The following ERMARD variants were observed in gnomAD, a reference collection of about 807,000 sequenced individuals.
ERMARD encodes ER membrane associated RNA degradation.
A neutral mutation model predicts 83.9 loss-of-function variants in ERMARD; 71 were observed. The observed-to-expected ratio is 0.85, with a 90% CI of 0.70 to 1.03. ERMARD has a LOEUF of 1.03. Among genes scored for constraint, ERMARD ranks in the 50% least tolerant of loss-of-function variants. The pLI, the probability that ERMARD is intolerant of heterozygous loss-of-function variation, is 0.00. For missense variants in ERMARD, 838 were observed against 810.9 expected (o/e 1.03, Z -0.41); for synonymous variants, 284 against 298.6 (o/e 0.95, Z 0.50).
chr6:169,779,444 G>T, intron 17 of ERMARD, 149 bp downstream of exon 17: 1 of 675,434 alleles, frequency 1.5e-6, no homozygotes. Flanking sequence ...CATCTGGCCT[G>T]CAAGAACTCC....
rs1790487867 is a variant in ERMARD, at chr6:169,754,045, T to C, written c.175+13T>C. On this transcript the variant is annotated intron_variant, in intron 2 of 17. Transcript: ENST00000366773. ...TACACAGAGTCAGGTTTGTGCTGTC[T>C]TTGTACTCCAAACTTTCATAACTGT... The C allele has an allele frequency of 4.4e-6, 7 of 1,594,806 alleles. No individual in the cohort carries two copies. The highest frequency in any genetic ancestry group is 5.1e-6 in the Non-Finnish European group (6 of 1,168,092).
intron 9 of ERMARD, among the ~76,000 whole-genome samples, chr6:169,765,246 G>A (rs1393847735): frequency 1.3e-5 from 2 of 152,242 alleles, no homozygotes; most frequent in South Asian, 2.1e-4. Flanking sequence ...TTCCACAGAG[G>A]ATATAATCTA....
At chr6:169,775,910 A>C in intron 14 of ERMARD, 30 bp from the exon 15 acceptor site, 1 of 1,612,374 alleles carries the variant, frequency 6.2e-7, no homozygotes. Flanking sequence ...TTTAATTGTC[A>C]CGTATCTTTA....
chr6:169,762,627 C>A, intron 9 of ERMARD, 96 bp downstream of exon 9: 1 of 1,007,672 alleles, frequency 9.9e-7, no homozygotes, highest in Non-Finnish European at 1.5e-6. Flanking sequence ...TTCTGTTTCA[C>A]ATTAAAATGA....
chr6:169,764,279 T>C (rs1416616830), intron 9 of ERMARD, among the ~76,000 whole-genome samples: 1 of 151,764 alleles, frequency 6.6e-6, no homozygotes, highest in Non-Finnish European at 1.5e-5. Context: ...TGGTTTTTTT[T>C]TTTGAGGCAG....
chr6:169,776,338 A>G, intron 15 of ERMARD, 117 bp from the exon 16 acceptor site: 1 of 1,552,912 alleles, frequency 6.4e-7, no homozygotes, highest in Non-Finnish European at 8.7e-7. Flanking sequence ...CTGCAGACCA[A>G]CCAGCGATAC....
In ERMARD at chr6:169,781,321, T is replaced by C. The variant is rs1226235597; in HGVS notation, c.1854-9T>C. The C allele has an allele frequency of 1.9e-6, 3 of 1,580,562 alleles. No homozygotes were observed. The highest frequency in any genetic ancestry group is 2.0e-5 in the Admixed American group (1 of 49,940). On this transcript the variant is annotated splice_polypyrimidine_tract_variant and intron_variant, in intron 17 of 17. Coordinates refer to ENST00000366773, the MANE Select transcript of ERMARD (RefSeq NM_018341.3). ...GGAATGGATAAAGAAATTAATTTTT[T>C]TTTTACAGGTTTGTAAAGTCGATCT...
At position 169,760,705 on chromosome 6, in the gene ERMARD, A is replaced by T; in HGVS notation, c.806A>T (p.Lys269Ile). The T allele has an allele frequency of 6.2e-7, 1 of 1,614,070 alleles. No homozygotes were observed. Among genetic ancestry groups the T allele is most frequent in the Non-Finnish European group, 8.5e-7 (1 of 1,179,936 alleles). ...EVMMKSAFIL[K>I]IMLPYWEVAL... is the part of the protein sequence containing the mutation. ...ATGATGAAATCTGCTTTTATATTAA[A>T]AATCATGTTACCATATTGGGAAGTT... The change falls in exon 8 of 18, where the codon AAA (lysine) becomes ATA (isoleucine). Residue 269 changes from lysine to isoleucine, a missense_variant. By Grantham distance (102) the Lys-to-Ile change is moderately radical (BLOSUM62 -3). Coordinates refer to ENST00000366773, the MANE Select transcript of ERMARD (RefSeq NM_018341.3).
intron 16 of ERMARD, 102 bp from the exon 17 acceptor site, chr6:169,779,080 T>C: frequency 9.8e-7 from 1 of 1,017,432 alleles, no homozygotes; most frequent in South Asian, 1.4e-5. Flanking sequence ...TTTTGAGAAG[T>C]TGGGACTTAA....
At chr6:169,754,814 AAAC>A (rs1396854736) in intron 2 of ERMARD, among the ~76,000 whole-genome samples, 2 of 152,222 alleles carry the variant, frequency 1.3e-5, no homozygotes, top group Admixed American at 6.5e-5. Flanking sequence ...AAAAAAATTA[AAAC>A]AACAAAAACT....
At chr6:169,776,113 A>T in intron 15 of ERMARD, 48 bp downstream of exon 15, 1 of 1,601,206 alleles carries the variant, frequency 6.2e-7, no homozygotes, top group Non-Finnish European at 8.5e-7. Context: ...GATTCAGCAG[A>T]TTAGCATAGC....
chr6:169,751,559 G>T (rs966802273), upstream of ERMARD: 7 of 1,609,822 alleles, frequency 4.3e-6, no homozygotes, highest in Non-Finnish European at 5.9e-6. Context: ...CCTGCGCCTC[G>T]TACGGTAGGA....
chr6:169,764,505 TA>T (rs1347685235), intron 9 of ERMARD, among the ~76,000 whole-genome samples: 1 of 152,110 alleles, frequency 6.6e-6, no homozygotes, highest in Non-Finnish European at 1.5e-5. Context: ...CTCCTGGGCA[TA>T]AGTCATCCTT....
At chr6:169,757,833 G>A (rs944880734) in intron 5 of ERMARD, among the ~76,000 whole-genome samples, 1 of 152,194 alleles carries the variant, frequency 6.6e-6, no homozygotes, top group African/African-American at 2.4e-5. Flanking sequence ...GGAGTGCATG[G>A]AATGAAGATA....
intron 9 of ERMARD, 127 bp from the exon 10 acceptor site, chr6:169,766,511 A>G: frequency 1.6e-6 from 1 of 630,266 alleles, no homozygotes; most frequent in Non-Finnish European, 2.7e-6. Context: ...TTCTAGATGA[A>G]TGTTTGTTTT....
intron 1 of ERMARD, 87 bp downstream of exon 1, chr6:169,751,750 C>T: frequency 1.4e-6 from 2 of 1,438,770 alleles, no homozygotes; most frequent in South Asian, 2.9e-5. Context: ...GCGGAGTGGG[C>T]GAGCGAGCAC....
intron 16 of ERMARD, among the ~76,000 whole-genome samples, chr6:169,776,972 A>T (rs1028285872): frequency 3.3e-5 from 5 of 152,186 alleles, no homozygotes; most frequent in African/African-American, 1.2e-4. Context: ...TTTTAGGGAG[A>T]CATAAGACAT....
chr6:169,776,045 G>T lies in ERMARD; in HGVS notation c.1500G>T (p.Leu500Phe), dbSNP rs1793553061. 6.2e-7 allele frequency: 1 copy of T among 1,613,982 alleles called. No individual in the cohort carries two copies. Among genetic ancestry groups the T allele is most frequent in the Non-Finnish European group, 8.5e-7 (1 of 1,179,982 alleles). Reference protein sequence around the residue: ...MPENRCVLKDLDRLPTETWPQ... With the variant: ...MPENRCVLKDFDRLPTETWPQ... ...AGAATCGTTGTGTGTTAAAGGACTT[G>T]GATCGTCTTCCTACTGAGACGTAAG... Residue 500 changes from leucine (L) to phenylalanine (F), a missense_variant, in exon 15 of 18, where the codon TTG becomes TTT. Physicochemically the swap from Leu to Phe is conservative, Grantham distance 22. Coordinates refer to ENST00000366773, the MANE Select transcript of ERMARD (RefSeq NM_018341.3).
chr6:169,781,591 G>GTT lies in ERMARD; in HGVS notation c.*79_*80dup. The GTT allele has an allele frequency of 7.4e-7, 1 of 1,348,650 alleles. No homozygotes were observed. Among genetic ancestry groups the GTT allele is most frequent in the South Asian group, 1.5e-5 (1 of 65,686 alleles). The allele number at this position is 1,348,650 out of a possible 1,614,324, so 83.5% of individuals were successfully genotyped here. A position where few individuals can be genotyped will look rare whatever the true frequency, so the allele number is the denominator to read the frequency against. On this transcript the variant is annotated 3_prime_UTR_variant, in exon 18 of 18. Transcript: ENST00000366773. The stretch of plus-strand genomic sequence containing the variant: ...ATTAAAAACCCAAAGACAGGGTGGA[G>GTT]TTGAGGGTCTGCTTGGCCAGGGTCC...
Sources: gnomAD v4.1 joint callset for allele counts (sites outside exome capture counted in the v4.1 genomes callset) on GRCh38, gnomAD v4.1.1 for gene constraint, MANE v1.5 for transcripts, NCBI Gene and HGNC (gene_info 2026-07-23, HGNC 2026-07-21) for gene names.